The following TRIM43B variants were observed in gnomAD, a reference collection of about 807,000 sequenced individuals.
TRIM43B encodes the protein tripartite motif-containing protein 43B.
In TRIM43B, 15 loss-of-function variants were observed where a neutral mutation model predicts 27.0. That is an observed-to-expected ratio of 0.55 (90% CI 0.37 to 0.85). The LOEUF (loss-of-function observed/expected upper bound fraction) is 0.85. TRIM43B is among the 40% of genes least tolerant of loss of function. The pLI, the probability that TRIM43B is intolerant of heterozygous loss-of-function variation, is 0.00. For synonymous variants in TRIM43B, 69 were observed against 97.8 expected (o/e 0.71, Z 1.74); for missense variants, 172 against 289.8 (o/e 0.59, Z 2.95).
At chr2:95,480,883 T>C (rs992619695) in intron 3 of TRIM43B, among the ~76,000 whole-genome samples, 1 of 151,934 alleles carries the variant, frequency 6.6e-6, no homozygotes, top group Non-Finnish European at 1.5e-5. Context: ...TCACTCTTAG[T>C]AGAAATGTTT....
chr2:95,484,163 G>T (rs1280896105), intron 1 of TRIM43B, among the ~76,000 whole-genome samples: 3 of 150,478 alleles, frequency 2.0e-5, no homozygotes, highest in Non-Finnish European at 4.4e-5. Flanking sequence ...AAGATCAAGA[G>T]ATGGAGACCA....
chr2:95,481,920 C>A (rs1291765544), intron 2 of TRIM43B, among the ~76,000 whole-genome samples: 1 of 151,750 alleles, frequency 6.6e-6, no homozygotes, highest in East Asian at 1.9e-4. Flanking sequence ...TAAATTAGTT[C>A]AGGGAAACAT....
chr2:95,480,585 TCA>T (rs1683504615), intron 3 of TRIM43B, 50 bp from the exon 4 acceptor site: 1 of 1,599,434 alleles, frequency 6.3e-7, no homozygotes, highest in Middle Eastern at 2.3e-4. Context: ...TACTTCCACC[TCA>T]CAGAGCCCAC....
chr2:95,483,843 A>G (rs937660799), intron 1 of TRIM43B, among the ~76,000 whole-genome samples: 2 of 151,898 alleles, frequency 1.3e-5, no homozygotes, highest in Admixed American at 1.3e-4. Flanking sequence ...CAAAACAAAA[A>G]CAAAAACAAA....
At chr2:95,482,830 T>G (rs1176988011) in intron 1 of TRIM43B, 112 bp from the exon 2 acceptor site, 1 of 1,522,354 alleles carries the variant, frequency 6.6e-7, no homozygotes, top group African/African-American at 1.4e-5. Flanking sequence ...TAAAGAAGTA[T>G]AGGTTTTAAT....
intron 1 of TRIM43B, among the ~76,000 whole-genome samples, chr2:95,484,287 G>A (rs548724835): frequency 2.6e-5 from 4 of 151,896 alleles, no homozygotes; most frequent in African/African-American, 9.7e-5. Context: ...CTGAAGAATC[G>A]TTTGAACCTG....
chr2:95,484,653 T>C (rs1357300906), exon 1 of TRIM43B: 1 of 152,138 alleles, frequency 6.6e-6, no homozygotes, highest in Non-Finnish European at 1.5e-5. Context: ...TCGAATCAGA[T>C]GGATTCAGCT....
intron 3 of TRIM43B, among the ~76,000 whole-genome samples, chr2:95,480,784 G>C (rs1357470307): frequency 6.6e-6 from 1 of 152,128 alleles, no homozygotes; most frequent in Non-Finnish European, 1.5e-5. Context: ...ATTTATGATT[G>C]ATTGTTACAT....
chr2:95,480,479 C>A, exon 4 of TRIM43B: 1 of 1,605,752 alleles, frequency 6.2e-7, no homozygotes, highest in Non-Finnish European at 8.5e-7. Context: ...TATGGAGAAC[C>A]GGATGCAGCT....
At position 95,481,619 on chromosome 2, in the gene TRIM43B, C is replaced by T. The variant is rs537056339; in HGVS notation, c.483G>A (p.Glu161=). 35 of 1,612,556 alleles carry T rather than the reference C, an allele frequency of 2.2e-5. 1 individual carries two copies. In the East Asian group the frequency reaches 7.4e-4, roughly 34 times the overall value. Residue 161 remains glutamate, a synonymous_variant, in exon 3 of 7, where the codon GAG becomes GAA. Transcript: ENST00000639673. Reference sequence around the variant, plus strand: ...CCCTCAAGAGGAAGGCTGTTCTTCTCTCCTCATATAGATTTCTCTGATTTT... The same window carrying T: ...CCCTCAAGAGGAAGGCTGTTCTTCTTTCCTCATATAGATTTCTCTGATTTT...
At chr2:95,484,345 G>A (rs1683602668) in intron 1 of TRIM43B, among the ~76,000 whole-genome samples, 1 of 151,942 alleles carries the variant, frequency 6.6e-6, no homozygotes, top group African/African-American at 2.4e-5. Flanking sequence ...ACTCCAGCCT[G>A]GCAATAGAGC....
intron 3 of TRIM43B, among the ~76,000 whole-genome samples, chr2:95,481,243 G>A (rs993063517): frequency 5.9e-5 from 9 of 151,894 alleles, no homozygotes; most frequent in East Asian, 1.9e-4. Flanking sequence ...GTTCCCACCC[G>A]ATTTCTTCCC....
exon 2 of TRIM43B, chr2:95,482,462 A>G (rs1683548690): frequency 1.2e-6 from 2 of 1,604,096 alleles, no homozygotes; most frequent in African/African-American, 2.7e-5. Context: ...GAGCTCAGGA[A>G]TTGCCAGAGA....
At chr2:95,482,192 G>C (rs1573604194) in intron 2 of TRIM43B, 112 bp downstream of exon 2, 5 of 1,017,332 alleles carry the variant, frequency 4.9e-6, no homozygotes, top group African/African-American at 3.3e-5. Context: ...ACCTAGAACA[G>C]CACCTGGCAC....
chr2:95,480,636 T>G (rs1281031116), intron 3 of TRIM43B, 101 bp from the exon 4 acceptor site: 1 of 1,308,164 alleles, frequency 7.6e-7, no homozygotes. Flanking sequence ...TTTTCCATCC[T>G]TTACAAACAG....
exon 2 of TRIM43B, chr2:95,482,696 G>A: frequency 6.2e-7 from 1 of 1,613,744 alleles, no homozygotes. Flanking sequence ...TGGAAGGCAT[G>A]TGAGAAGTCT....
chr2:95,482,568 A>G (rs1017170202), exon 2 of TRIM43B: 39 of 1,612,982 alleles, frequency 2.4e-5, no homozygotes, highest in Non-Finnish European at 3.3e-5. Context: ...GGCAGTTTGC[A>G]GGACTTTGGG....
rs754312143 is a variant in TRIM43B at position 95,481,590 on chromosome 2, C to T, written c.507+5G>A. On this transcript the variant is annotated splice_donor_5th_base_variant and intron_variant, in intron 3 of 6. Coordinates refer to ENST00000639673, the Ensembl canonical transcript of TRIM43B. ...GGTCAGGAGGACTCACGGTCTCATA[C>T]TTACCCTCAAGAGGAAGGCTGTTCT... 4 of 1,609,970 alleles carry T rather than the reference C, an allele frequency of 2.5e-6. No individual in the cohort carries two copies. In the East Asian group the frequency reaches 6.7e-5, roughly 27 times the overall value.
At chr2:95,482,846 A>G (rs1425414512) in intron 1 of TRIM43B, 128 bp from the exon 2 acceptor site, 3 of 1,500,222 alleles carry the variant, frequency 2.0e-6, no homozygotes, top group Non-Finnish European at 2.7e-6. Context: ...TTAATTTGCA[A>G]TGACAGAAAT....
Sources: allele counts gnomAD v4.1 joint callset (sites outside exome capture counted in the v4.1 genomes callset), GRCh38; gene constraint gnomAD v4.1.1; transcripts MANE v1.5; gene names NCBI Gene and HGNC (gene_info 2026-07-23, HGNC 2026-07-21).